CLPB: variants seen among roughly 807,000 people sequenced by gnomAD.
CLPB encodes mitochondrial disaggregase.
Under a neutral mutation model 78.4 loss-of-function variants are expected in CLPB, and 40 were observed. The observed-to-expected ratio is 0.51, with a 90% CI of 0.40 to 0.66. The LOEUF (loss-of-function observed/expected upper bound fraction) is 0.66. Ranked by LOEUF, CLPB falls within the 30% of genes least tolerant of loss-of-function variation. CLPB has a pLI of 0.00. For missense variants in CLPB, 780 were observed against 886.9 expected, an observed-to-expected ratio of 0.88 and a Z score of 1.53; for synonymous variants, 333 against 348.0, an observed-to-expected ratio of 0.96 and a Z score of 0.48.
chr11:72,401,385 T>C (rs1297817217), intron 3 of CLPB, among the ~76,000 whole-genome samples: 1 of 152,128 alleles, frequency 6.6e-6, no homozygotes, highest in African/African-American at 2.4e-5. Flanking sequence ...AGGGTTGCAG[T>C]GATCCAAGAT....
Position 72,293,258 on chromosome 11 carries a change from G to GA in CLPB, c.*108dup. On this transcript the variant is annotated 3_prime_UTR_variant, in exon 16 of 16. Coordinates refer to ENST00000538039, the MANE Select transcript of CLPB (RefSeq NM_001258392.3). The stretch of plus-strand genomic sequence containing the variant: ...GCTGTGAGGAGGTAAGCAGGCCTGA[G>GA]ACTGGGTAGAGATGGGAGCGGCATG... 7.2e-7 allele frequency: 1 copy of GA among 1,391,748 alleles called. No homozygotes were observed. Among genetic ancestry groups the GA allele is most frequent in the Non-Finnish European group, 9.9e-7 (1 of 1,011,418 alleles). The allele number at this position is 1,391,748 out of a possible 1,614,324, so 86.2% of individuals were successfully genotyped here. A position where few individuals can be genotyped will look rare whatever the true frequency, so the allele number is the denominator to read the frequency against.
intron 5 of CLPB, among the ~76,000 whole-genome samples, chr11:72,331,038 G>A (rs992589842): frequency 2.6e-5 from 4 of 151,844 alleles, no homozygotes; most frequent in African/African-American, 7.3e-5. Flanking sequence ...TATTCCTATT[G>A]CAAGTCTCTA....
Position 72,294,609 on chromosome 11 carries a change from A to C in CLPB, c.1560+11T>G. The C allele has an allele frequency of 6.2e-7, 1 of 1,613,164 alleles. No individual in the cohort carries two copies. The highest frequency in any genetic ancestry group is 8.5e-7 in the Non-Finnish European group (1 of 1,179,054). ...AGGCTCCAGCAGGAAGTGCCAAGAA[A>C]GACCTCTTACTTTCAGGATAGGGCG... On this transcript the variant is annotated intron_variant, in intron 13 of 15. Transcript: ENST00000538039.
intron 2 of CLPB, among the ~76,000 whole-genome samples, chr11:72,424,107 G>A (rs1160664572): frequency 6.6e-6 from 1 of 152,240 alleles, no homozygotes; most frequent in East Asian, 1.9e-4. Context: ...GGCCTTCGGT[G>A]ACTAGCTTTT....
intron 5 of CLPB, among the ~76,000 whole-genome samples, chr11:72,344,052 T>G (rs776850046): frequency 6.6e-6 from 1 of 151,712 alleles, no homozygotes; most frequent in Non-Finnish European, 1.5e-5. Context: ...ATCAGGAGAG[T>G]CTTCCTTCAG....
intron 6 of CLPB, 84 bp downstream of exon 6, chr11:72,329,623 T>C: frequency 2.4e-6 from 2 of 835,020 alleles, no homozygotes; most frequent in Non-Finnish European, 2.0e-6. Context: ...TGGCCTTTGG[T>C]GTAAAGCCTG....
intron 5 of CLPB, among the ~76,000 whole-genome samples, chr11:72,333,214 GA>G (rs1353618101): frequency 6.6e-6 from 1 of 152,170 alleles, no homozygotes; most frequent in Admixed American, 6.5e-5. Flanking sequence ...TACCCCTGAT[GA>G]AAAAGCCTTC....
At position 72,302,169 on chromosome 11, in the gene CLPB, C is replaced by T. The variant is rs1011137209; in HGVS notation, c.1167+135G>A. On this transcript the variant is annotated intron_variant, in intron 10 of 15. Transcript: ENST00000538039. ...ATCCTATGTGAAACAAATCAGTGAC[C>T]CTGCTGCACACCTGTGCTCCCAACG... 26 of 1,018,282 alleles carry T rather than the reference C, an allele frequency of 2.6e-5. No individual in the cohort carries two copies. The Admixed American group carries it at 2.8e-4, about 11-fold the overall frequency. The allele number at this position is 1,018,282 out of a possible 1,614,324, so 63.1% of individuals were successfully genotyped here.
At chr11:72,332,057 T>A (rs1950236399) in intron 5 of CLPB, among the ~76,000 whole-genome samples, 1 of 152,192 alleles carries the variant, frequency 6.6e-6, no homozygotes, top group Admixed American at 6.5e-5. Context: ...AAACTTTTAT[T>A]ATCAGTAAGA....
intron 5 of CLPB, among the ~76,000 whole-genome samples, chr11:72,345,784 A>T (rs1415373353): frequency 1.3e-5 from 2 of 152,206 alleles, no homozygotes; most frequent in African/African-American, 4.8e-5. Flanking sequence ...CTGAAGGGGG[A>T]GAAAAGAACC....
chr11:72,394,104 T>G (rs1263866570), intron 3 of CLPB, among the ~76,000 whole-genome samples: 1 of 152,180 alleles, frequency 6.6e-6, no homozygotes, highest in African/African-American at 2.4e-5. Flanking sequence ...CTATACTATT[T>G]TTACATCATA....
At chr11:72,323,503 G>A (rs1360096089) in intron 6 of CLPB, among the ~76,000 whole-genome samples, 2 of 149,624 alleles carry the variant, frequency 1.3e-5, no homozygotes, top group Non-Finnish European at 3.0e-5. Flanking sequence ...GGAGGCGGAG[G>A]TTGCAGTGAA....
At chr11:72,378,468 C>T (rs1854789910) in intron 4 of CLPB, among the ~76,000 whole-genome samples, 1 of 152,210 alleles carries the variant, frequency 6.6e-6, no homozygotes, top group Non-Finnish European at 1.5e-5. Flanking sequence ...GCAAACCCAT[C>T]AGATCTCATG....
At chr11:72,303,758 T>C (rs1949700003) in intron 9 of CLPB, 1 of 152,310 alleles carries the variant, frequency 6.6e-6, no homozygotes, top group Non-Finnish European at 1.5e-5. Context: ...ACTGGGTATT[T>C]ACTATGTGCC....
At chr11:72,386,457 T>C (rs1289786861) in intron 3 of CLPB, among the ~76,000 whole-genome samples, 2 of 152,228 alleles carry the variant, frequency 1.3e-5, no homozygotes, top group Non-Finnish European at 2.9e-5. Flanking sequence ...TCCTTGATAG[T>C]TTTTTAGTAT....
At chr11:72,413,284 C>T (rs1855930580) in intron 2 of CLPB, among the ~76,000 whole-genome samples, 1 of 151,042 alleles carries the variant, frequency 6.6e-6, no homozygotes, top group Non-Finnish European at 1.5e-5. Flanking sequence ...AGCGAAAATC[C>T]GTCTCGAAAA....
chr11:72,432,364 C>T (rs1856571170), intron 1 of CLPB, among the ~76,000 whole-genome samples: 1 of 152,202 alleles, frequency 6.6e-6, no homozygotes, highest in Non-Finnish European at 1.5e-5. Context: ...ATTTCCTGCT[C>T]TCATGGGGCT....
At chr11:72,368,208 A>G (rs978332594) in intron 4 of CLPB, among the ~76,000 whole-genome samples, 5 of 152,204 alleles carry the variant, frequency 3.3e-5, no homozygotes, top group Non-Finnish European at 7.3e-5. Flanking sequence ...CAAGACTAAG[A>G]GTTTTCCTCC....
At chr11:72,422,215 G>A (rs527550868) in intron 2 of CLPB, among the ~76,000 whole-genome samples, 130 of 140,126 alleles carry the variant, frequency 9.3e-4, no homozygotes, top group African/African-American at 3.3e-3. Flanking sequence ...GCAGTGAGTC[G>A]AGATTGTGCC....
Sources: gnomAD v4.1 joint callset for allele counts (sites outside exome capture counted in the v4.1 genomes callset) on GRCh38, gnomAD v4.1.1 for gene constraint, MANE v1.5 for transcripts, NCBI Gene and HGNC (gene_info 2026-07-23, HGNC 2026-07-21) for gene names.